ZSWIM2: variants seen among roughly 807,000 people sequenced by gnomAD.
The protein encoded by ZSWIM2 is E3 ubiquitin-protein ligase ZSWIM2.
ZSWIM2 carries 38 observed loss-of-function variants against 48.4 expected under a neutral mutation model. The ratio of observed to expected loss-of-function variants is 0.79; its 90% confidence interval spans 0.61 to 1.03. The LOEUF (loss-of-function observed/expected upper bound fraction) is 1.03. Ranked by LOEUF, ZSWIM2 falls within the 50% of genes least tolerant of loss-of-function variation. The probability of loss-of-function intolerance (pLI) is 0.00; values close to 1 mark genes in which losing one functional copy is unlikely to be tolerated. For missense variants in ZSWIM2, 776 were observed against 730.2 expected (o/e 1.06, Z -0.72); for synonymous variants, 240 against 251.3 (o/e 0.96, Z 0.42).
rs971381334 is a variant in ZSWIM2 at position 186,849,152 on chromosome 2, C to T, written c.-22G>A. The T allele has an allele frequency of 1.9e-6, 3 of 1,591,272 alleles. No homozygotes were observed. Among genetic ancestry groups the T allele is most frequent in the Non-Finnish European group, 2.6e-6 (3 of 1,165,680 alleles). ...GCATGCTGGGTGCGGGCGGAGGCGGCCCCTCTGCTCGGCTCACTGAGGCGC... is the reference window on the plus strand; with the variant it reads ...GCATGCTGGGTGCGGGCGGAGGCGGTCCCTCTGCTCGGCTCACTGAGGCGC... On this transcript the variant is annotated 5_prime_UTR_variant, in exon 1 of 9. Coordinates refer to ENST00000295131, the MANE Select transcript of ZSWIM2 (RefSeq NM_182521.3).
At chr2:186,837,000 A>G (rs947785306) in intron 5 of ZSWIM2, among the ~76,000 whole-genome samples, 28 of 152,224 alleles carry the variant, frequency 1.8e-4, no homozygotes, top group African/African-American at 6.3e-4. Flanking sequence ...TTGGAAACCT[A>G]TGTAGGCTAA....
rs1691856980 is a variant in ZSWIM2, at chr2:186,839,110, G to A, written c.343C>T (p.Arg115Ter). The A allele has an allele frequency of 1.9e-6, 3 of 1,611,480 alleles. No individual in the cohort carries two copies. Among genetic ancestry groups the A allele is most frequent in the African/African-American group, 2.7e-5 (2 of 74,840 alleles). Residue 115 changes from arginine (R) to a stop codon, truncating the protein, a stop_gained, in exon 4 of 9, where the codon CGA becomes TGA. Transcript: ENST00000295131. LOFTEE classifies it high-confidence loss of function. ...GTTCCTGGTTGGGGAGTTTGAACTC[G>A]ATGTATCCCCCGAAGCAAGTCACTT... ...EISDLLRGIH[R>*]VQTPQPGTND...
chr2:186,846,149 T>A (rs1691995837), intron 2 of ZSWIM2, among the ~76,000 whole-genome samples: 1 of 151,696 alleles, frequency 6.6e-6, no homozygotes, highest in Non-Finnish European at 1.5e-5. Flanking sequence ...AATTAAACTA[T>A]AAAGCTTCTG....
intron 4 of ZSWIM2, among the ~76,000 whole-genome samples, chr2:186,838,162 A>G (rs1321073511): frequency 1.3e-5 from 2 of 151,522 alleles, no homozygotes; most frequent in African/African-American, 4.8e-5. Context: ...TTCAAGTCCA[A>G]CTTTATAGTG....
chr2:186,829,696 G>T (rs1559111241), intron 8 of ZSWIM2, 31 bp downstream of exon 8: 1 of 1,596,684 alleles, frequency 6.3e-7, no homozygotes, highest in Admixed American at 1.8e-5. Context: ...ACCCTACAGG[G>T]AAAGTAAAAC....
rs1691640640 is a variant in ZSWIM2, at chr2:186,828,572, A to G, written c.1314T>C (p.Leu438=). The G allele has an allele frequency of 6.2e-7, 1 of 1,612,958 alleles. No homozygotes were observed. Among genetic ancestry groups the G allele is most frequent in the Admixed American group, 1.7e-5 (1 of 59,880 alleles). The change falls in exon 9 of 9, where the codon CTT becomes CTC. Residue 438 remains leucine (L), a synonymous_variant. Coordinates refer to ENST00000295131, the MANE Select transcript of ZSWIM2 (RefSeq NM_182521.3). ...ACTGAGGTATGCTAGGTAAAATTCC[A>G]AGTCTATTTTGTTTTAAGACTAATC... ...GTGLVLKQNR[L]GILPSIPQCN... is the part of the protein sequence containing the mutation.
chr2:186,838,788 ATATT>A (rs1210080529), intron 4 of ZSWIM2, among the ~76,000 whole-genome samples, 167 bp downstream of exon 4: 1 of 145,860 alleles, frequency 6.9e-6, no homozygotes, highest in East Asian at 2.0e-4. Context: ...TATATTATAT[ATATT>A]ATATATATGT....
chr2:186,839,906 C>G (rs1239905157), intron 3 of ZSWIM2, among the ~76,000 whole-genome samples: 2 of 151,686 alleles, frequency 1.3e-5, no homozygotes, highest in Non-Finnish European at 3.0e-5. Flanking sequence ...CCCCTTCCAT[C>G]TCCTACTCCT....
chr2:186,831,244 T>G (rs997059825), intron 7 of ZSWIM2, among the ~76,000 whole-genome samples: 9 of 152,022 alleles, frequency 5.9e-5, no homozygotes, highest in Non-Finnish European at 1.0e-4. Context: ...ATAGGCTCAT[T>G]TTACGCCCCA....
intron 3 of ZSWIM2, among the ~76,000 whole-genome samples, chr2:186,841,448 C>T (rs1387865676): frequency 1.3e-5 from 2 of 151,314 alleles, no homozygotes; most frequent in Non-Finnish European, 3.0e-5. Flanking sequence ...TCTGAAATCA[C>T]TGTAAATCAG....
At chr2:186,846,124 T>C (rs985181064) in intron 2 of ZSWIM2, among the ~76,000 whole-genome samples, 3 of 151,722 alleles carry the variant, frequency 2.0e-5, no homozygotes, top group Admixed American at 1.3e-4. Flanking sequence ...AAAAGAAAAA[T>C]AGTTTAATAG....
At position 186,828,133 on chromosome 2, in the gene ZSWIM2, T is replaced by C. The variant is rs1350302843; in HGVS notation, c.1753A>G (p.Thr585Ala). ...CTTTTAGACAAACTAAGTTTAGCTG[T>C]GCTCCAATTGACAATAAGATTGAAA... The part of the protein sequence containing the change: ...EDFNLIVNWS[T>A]AKLSLSKRYS... The change falls in exon 9 of 9, where the codon ACA (threonine) becomes GCA (alanine). Residue 585 changes from threonine (T) to alanine (A), a missense_variant. Thr to Ala is a moderately conservative substitution (Grantham distance 58). Coordinates refer to ENST00000295131, the MANE Select transcript of ZSWIM2 (RefSeq NM_182521.3). The C allele has an allele frequency of 1.9e-6, 3 of 1,613,480 alleles. No homozygotes were observed. The African/African-American group carries it at 4.0e-5, about 22-fold the overall frequency.
chr2:186,848,029 G>A (rs2105517522), intron 1 of ZSWIM2, among the ~76,000 whole-genome samples: 1 of 152,232 alleles, frequency 6.6e-6, no homozygotes, highest in Non-Finnish European at 1.5e-5. Context: ...TTAGGCAGGT[G>A]AAAATAAATC....
rs367691702 is a variant in ZSWIM2, at chr2:186,829,926, G to T, written c.942-46C>A. 5 of 1,598,824 alleles carry T rather than the reference G, an allele frequency of 3.1e-6. No homozygotes were observed. In the African/African-American group the frequency reaches 4.0e-5, roughly 13 times the overall value. ...ACATGAGTGTTTACATGTTATTATA[G>T]ATCAGGAAGTGATCAATAGCACAGG... is the stretch of plus-strand genomic sequence containing the variant. On this transcript the variant is annotated intron_variant, in intron 7 of 8. Transcript: ENST00000295131.
chr2:186,828,013 A>G lies in ZSWIM2; in HGVS notation c.1873T>C (p.Ser625Pro). The G allele has an allele frequency of 6.3e-7, 1 of 1,599,136 alleles. No individual in the cohort carries two copies. The highest frequency in any genetic ancestry group is 8.5e-7 in the Non-Finnish European group (1 of 1,174,788). The change falls in exon 9 of 9, where the codon TCT (serine) becomes CCT (proline). Residue 625 changes from serine (S) to proline (P), a missense_variant. Transcript: ENST00000295131. ...HSVNTKSTEL[S>P]LIIEGVQL is the part of the protein sequence containing the mutation. ...AATTGAACTCCTTCTATTATTAAAG[A>G]TAGCTCAGTACTTTTTGTATTTACA...
chr2:186,838,381 T>C (rs547158368), intron 4 of ZSWIM2, among the ~76,000 whole-genome samples: 1 of 150,224 alleles, frequency 6.7e-6, no homozygotes, highest in Non-Finnish European at 1.5e-5. Flanking sequence ...TATGTGAAAA[T>C]TGAATTATTT....
chr2:186,836,351 A>G (rs937747674), intron 5 of ZSWIM2, among the ~76,000 whole-genome samples: 3 of 152,052 alleles, frequency 2.0e-5, no homozygotes, highest in African/African-American at 7.2e-5. Flanking sequence ...AAAATTCTGT[A>G]CTTCCACCCC....
chr2:186,839,733 A>G (rs1479909516), intron 3 of ZSWIM2, among the ~76,000 whole-genome samples: 5 of 151,676 alleles, frequency 3.3e-5, no homozygotes, highest in African/African-American at 1.2e-4. Context: ...TTCTCAGGAC[A>G]ATCTATTAGT....
chr2:186,838,116 G>GA (rs988014003), intron 4 of ZSWIM2, among the ~76,000 whole-genome samples: 1 of 151,208 alleles, frequency 6.6e-6, no homozygotes, highest in Non-Finnish European at 1.5e-5. Flanking sequence ...ATGATCAGGA[G>GA]AAAAAAATTG....
Sources: allele counts gnomAD v4.1 joint callset (sites outside exome capture counted in the v4.1 genomes callset), GRCh38; gene constraint gnomAD v4.1.1; transcripts MANE v1.5; gene names NCBI Gene and HGNC (gene_info 2026-07-23, HGNC 2026-07-21).